The following RPGRIP1 variants were observed in gnomAD, a reference collection of about 807,000 sequenced individuals.
The protein encoded by RPGRIP1 is X-linked retinitis pigmentosa GTPase regulator-interacting protein 1.
RPGRIP1 carries 128 observed loss-of-function variants against 157.9 expected under a neutral mutation model. The ratio of observed to expected loss-of-function variants is 0.81; its 90% CI spans 0.70 to 0.94. The LOEUF (loss-of-function observed/expected upper bound fraction) is 0.94, where lower values mean the gene tolerates loss of function less well. Among genes scored for constraint, RPGRIP1 ranks in the 40% least tolerant of loss-of-function variants. The pLI, the probability that RPGRIP1 is intolerant of heterozygous loss-of-function variation, is 0.00. For missense variants in RPGRIP1, 1,486 were observed against 1,545.8 expected (o/e 0.96, Z 0.65); for synonymous variants, 554 against 571.6 (o/e 0.97, Z 0.44).
At chr14:21,312,789 A>G (rs1211132477) in intron 10 of RPGRIP1, among the ~76,000 whole-genome samples, 4 of 151,806 alleles carry the variant, frequency 2.6e-5, no homozygotes, top group African/African-American at 9.7e-5. Context: ...CCCGGGTTCA[A>G]ACGATTCTCC....
chr14:21,288,156 C>T, intron 2 of RPGRIP1, 95 bp downstream of exon 2: 1 of 777,256 alleles, frequency 1.3e-6, no homozygotes, highest in Non-Finnish European at 2.2e-6. Context: ...GATTTACTTT[C>T]AGCTCTTTTC....
At chr14:21,290,415 T>C (rs954354373) in intron 2 of RPGRIP1, among the ~76,000 whole-genome samples, 4 of 152,208 alleles carry the variant, frequency 2.6e-5, no homozygotes, top group Non-Finnish European at 5.9e-5. Flanking sequence ...GGTTCACGCC[T>C]GTAATCCCAT....
Position 21,303,346 on chromosome 14 carries a change from CAGCATAAT to C in RPGRIP1, c.604_611del (p.Ser202PhefsTer10). Reference sequence around the variant, plus strand: ...TTGTATTTAGTGTTTCTGGTTCTAACAGCATAATTTCTTTCAGCAGTGTCATAAGTATG... The same window carrying C: ...TTGTATTTAGTGTTTCTGGTTCTAACTTCTTTCAGCAGTGTCATAAGTATG... On this transcript the variant is annotated frameshift_variant, in exon 6 of 25. Transcript: ENST00000400017. LOFTEE classifies it high-confidence loss of function. The C allele has an allele frequency of 2.5e-6, 4 of 1,612,626 alleles. No individual in the cohort carries two copies. The highest frequency in any genetic ancestry group is 3.4e-6 in the Non-Finnish European group (4 of 1,179,010).
intron 11 of RPGRIP1, among the ~76,000 whole-genome samples, chr14:21,318,433 G>A (rs1882016895): frequency 6.6e-6 from 1 of 151,530 alleles, no homozygotes; most frequent in Admixed American, 6.6e-5. Flanking sequence ...AATTTATTAT[G>A]TTTTTTAAAC....
chr14:21,334,476 T>C (rs1027390937), intron 20 of RPGRIP1, 129 bp from the exon 21 acceptor site: 31 of 699,360 alleles, frequency 4.4e-5, no homozygotes, highest in Non-Finnish European at 7.4e-5. Context: ...TGATTCTTAG[T>C]AAGTGAAGGC....
Position 21,348,617 on chromosome 14 carries a change from C to T in RPGRIP1, c.3748+315C>T, listed in dbSNP as rs8011334. On this transcript the variant is annotated intron_variant, in intron 24 of 24. Coordinates refer to ENST00000400017, the MANE Select transcript of RPGRIP1 (RefSeq NM_020366.4). Reference sequence around the variant, plus strand: ...ATTTTGGACCTCTCTTGAGCATTTTCGTATAGGCAGCTGATGCCCATTCTT... The same window carrying T: ...ATTTTGGACCTCTCTTGAGCATTTTTGTATAGGCAGCTGATGCCCATTCTT... Among the ~76,000 whole-genome samples the T allele has an allele frequency of 2.9e-3, 440 of 150,628 alleles. 2 individuals carry two copies. Among genetic ancestry groups the T allele is most frequent in the African/African-American group, 0.01 (420 of 41,020 alleles).
In RPGRIP1 at chr14:21,335,687, C is replaced by T. The variant is rs139893842; in HGVS notation, c.3339+982C>T. 3.6e-3 allele frequency among the ~76,000 whole-genome samples: 552 copies of T among 152,090 alleles called. 4 individuals are homozygous for T. Among genetic ancestry groups the T allele is most frequent in the African/African-American group, 0.011 (446 of 41,440 alleles). On this transcript the variant is annotated intron_variant, in intron 21 of 24. Coordinates refer to ENST00000400017, the MANE Select transcript of RPGRIP1 (RefSeq NM_020366.4). ...CTACTAAAAATACAAAAAAATTAGC[C>T]GGGCGTGGTGGCTGGCACCTGTAGT...
Position 21,306,602 on chromosome 14 carries a change from G to T in RPGRIP1, c.801-1129G>T, listed in dbSNP as rs1449562112. Among the ~76,000 whole-genome samples the T allele has an allele frequency of 2.6e-5, 4 of 151,290 alleles. No homozygotes were observed. The East Asian group carries it at 5.8e-4, about 22-fold the overall frequency. On this transcript the variant is annotated intron_variant, in intron 6 of 24. Transcript: ENST00000400017. The stretch of plus-strand genomic sequence containing the variant: ...GCCTCCCGAGTAGCTGGGACTACAG[G>T]TGTGCGCCACCATGCCCAGCTAATT...
At chr14:21,348,089 G>A in intron 23 of RPGRIP1, 83 bp from the exon 24 acceptor site, 1 of 1,166,788 alleles carries the variant, frequency 8.6e-7, no homozygotes, top group Non-Finnish European at 1.2e-6. Context: ...ACGTTGTATT[G>A]TTTATGATTA....
chr14:21,308,333 G>C (rs1419603118), intron 7 of RPGRIP1, among the ~76,000 whole-genome samples: 1 of 152,188 alleles, frequency 6.6e-6, no homozygotes, highest in Non-Finnish European at 1.5e-5. Context: ...GGTGGAAATA[G>C]AGTATCAAGG....
chr14:21,316,216 A>T (rs1487120300), intron 10 of RPGRIP1, among the ~76,000 whole-genome samples: 3 of 151,712 alleles, frequency 2.0e-5, no homozygotes, highest in Admixed American at 6.6e-5. Flanking sequence ...TGACCTCGAG[A>T]TCTGCCTGCC....
rs1882942396 is a variant in RPGRIP1, at chr14:21,325,219, T to G, written c.2216-13T>G. The G allele has an allele frequency of 1.3e-6, 2 of 1,592,408 alleles. No homozygotes were observed. Among genetic ancestry groups the G allele is most frequent in the South Asian group, 1.1e-5 (1 of 87,832 alleles). The stretch of plus-strand genomic sequence containing the variant: ...TCTGTATTCCCCCTGCTTTCACACT[T>G]TCTGCTACCCAGGAGCTGGTGGAGA... On this transcript the variant is annotated splice_polypyrimidine_tract_variant and intron_variant, in intron 15 of 24. Transcript: ENST00000400017.
intron 1 of RPGRIP1, among the ~76,000 whole-genome samples, chr14:21,280,719 A>T (rs1381207318): frequency 6.8e-6 from 1 of 146,528 alleles, no homozygotes; most frequent in Admixed American, 7.0e-5. Flanking sequence ...TCCATCCCCC[A>T]CCCCCCTCCT....
intron 3 of RPGRIP1, among the ~76,000 whole-genome samples, chr14:21,295,928 G>T (rs1311035781): frequency 6.6e-6 from 1 of 150,440 alleles, no homozygotes; most frequent in Non-Finnish European, 1.5e-5. Context: ...GCACCACCAC[G>T]TCAGAGTAAT....
intron 20 of RPGRIP1, 119 bp from the exon 21 acceptor site, chr14:21,334,486 C>A: frequency 1.4e-6 from 1 of 735,258 alleles, no homozygotes; most frequent in Non-Finnish European, 2.4e-6. Flanking sequence ...TAAGTGAAGG[C>A]AAAATCTAGA....
intron 21 of RPGRIP1, among the ~76,000 whole-genome samples, chr14:21,337,517 C>T (rs1358007682): frequency 6.8e-6 from 1 of 146,910 alleles, no homozygotes; most frequent in Non-Finnish European, 1.5e-5. Flanking sequence ...TCTCGGCTTA[C>T]TGCAACCTCT....
intron 21 of RPGRIP1, among the ~76,000 whole-genome samples, chr14:21,335,792 G>T (rs936602149): frequency 1.4e-5 from 2 of 141,776 alleles, no homozygotes; most frequent in African/African-American, 6.3e-5. Context: ...GGGCGACAGA[G>T]CGAGACTACG....
chr14:21,324,734 C>T lies in RPGRIP1; in HGVS notation c.1879C>T (p.Leu627Phe). 1 of 1,614,018 alleles carries T rather than the reference C, an allele frequency of 6.2e-7. No homozygotes were observed. The highest frequency in any genetic ancestry group is 1.1e-5 in the South Asian group (1 of 91,080). ...DISLLHQGEN[L>F]FELHIHQAFL... ...TTCTCTGCTGCATCAGGGTGAGAATCTTTTTGAACTGCACATCCACCAGGC... is the reference window on the plus strand; with the variant it reads ...TTCTCTGCTGCATCAGGGTGAGAATTTTTTTGAACTGCACATCCACCAGGC... The change falls in exon 15 of 25, where the codon CTT becomes TTT. Residue 627 changes from leucine to phenylalanine, a missense_variant. Leu to Phe is a conservative substitution (Grantham distance 22, BLOSUM62 0). Coordinates refer to ENST00000400017, the MANE Select transcript of RPGRIP1 (RefSeq NM_020366.4).
At chr14:21,298,477 G>A (rs1030063983) in intron 3 of RPGRIP1, among the ~76,000 whole-genome samples, 1 of 152,108 alleles carries the variant, frequency 6.6e-6, no homozygotes, top group African/African-American at 2.4e-5. Flanking sequence ...TCCAGGCTGA[G>A]TGACAGAGTG....
Sources: allele counts gnomAD v4.1 joint callset (sites outside exome capture counted in the v4.1 genomes callset), GRCh38; gene constraint gnomAD v4.1.1; transcripts MANE v1.5; gene names NCBI Gene and HGNC (gene_info 2026-07-23, HGNC 2026-07-21).